Variants in KAZN observed in about 807,000 individuals in gnomAD.
The protein encoded by KAZN is kazrin, periplakin interacting protein.
KAZN carries 40 observed loss-of-function variants against 87.4 expected under a neutral mutation model. The observed-to-expected ratio is 0.46, with a 90% confidence interval of 0.36 to 0.60. KAZN has a LOEUF of 0.60. KAZN is among the 20% of genes least tolerant of loss of function. The probability of loss-of-function intolerance (pLI) is 0.00; values close to 1 mark genes in which losing one functional copy is unlikely to be tolerated. For synonymous variants in KAZN, 466 were observed against 458.3 expected (o/e 1.02, Z -0.22); for missense variants, 898 against 1,073.9 (o/e 0.84, Z 2.29).
intron 1 of KAZN, among the ~76,000 whole-genome samples, chr1:14,863,570 A>G (rs1403479869): frequency 6.6e-6 from 1 of 152,088 alleles, no homozygotes; most frequent in Non-Finnish European, 1.5e-5. Context: ...GATTTGGGGG[A>G]TCAGAGAGGA....
chr1:14,809,638 T>G (rs1026497140), intron 1 of KAZN, among the ~76,000 whole-genome samples: 13 of 152,328 alleles, frequency 8.5e-5, no homozygotes, highest in Admixed American at 3.3e-4. Context: ...CCTATTTGGT[T>G]TGATTTTTTA....
At chr1:14,146,570 A>C in intron 1 of KAZN, among the ~76,000 whole-genome samples, 1 of 151,226 alleles carries the variant, frequency 6.6e-6, no homozygotes, top group East Asian at 1.9e-4. Flanking sequence ...AAAGAAAAGA[A>C]AGAAAGAAAG....
intron 1 of KAZN, among the ~76,000 whole-genome samples, chr1:14,796,924 T>C (rs886077693): frequency 6.6e-6 from 1 of 152,162 alleles, no homozygotes; most frequent in Non-Finnish European, 1.5e-5. Context: ...AGGTACCCCA[T>C]GTAAGGAAAA....
rs201963397 is a variant in KAZN, at chr1:15,114,516, G to A, written c.2209G>A (p.Asp737Asn). 17 of 1,611,786 alleles carry A rather than the reference G, an allele frequency of 1.1e-5. No individual in the cohort carries two copies. The highest frequency in any genetic ancestry group is 6.7e-5 in the African/African-American group (5 of 74,894). ...AAGGGGCTTCAGCAGCAAAGATCCC[G>A]ATTTCCATGATGACTATGGCTCTCT... ...IGRGFSSKDP[D>N]FHDDYGSLQN... The change falls in exon 15 of 15, where the codon GAT (aspartate) becomes AAT (asparagine). Residue 737 changes from aspartate (D) to asparagine (N), a missense_variant. Asp to Asn is a conservative substitution (Grantham distance 23). Coordinates refer to ENST00000376030, the MANE Select transcript of KAZN (RefSeq NM_201628.3).
chr1:14,906,098 C>G (rs1344628137), intron 1 of KAZN, among the ~76,000 whole-genome samples: 1 of 150,822 alleles, frequency 6.6e-6, no homozygotes, highest in Non-Finnish European at 1.5e-5. Context: ...ACCCGGTAGG[C>G]GGGGCTTGCA....
At chr1:14,218,655 A>T (rs905816182) in intron 2 of KAZN, among the ~76,000 whole-genome samples, 4 of 149,006 alleles carry the variant, frequency 2.7e-5, no homozygotes, top group African/African-American at 5.2e-5. Context: ...GTTTAAATTT[A>T]TGAATTCATA....
chr1:14,748,902 A>G (rs1205216587), intron 1 of KAZN, among the ~76,000 whole-genome samples: 1 of 152,212 alleles, frequency 6.6e-6, no homozygotes, highest in Non-Finnish European at 1.5e-5. Flanking sequence ...TTATATCCCA[A>G]TTCAGTTAAG....
At chr1:14,143,727 C>CT (rs977192370) in intron 1 of KAZN, among the ~76,000 whole-genome samples, 38 of 149,490 alleles carry the variant, frequency 2.5e-4, no homozygotes, top group African/African-American at 8.1e-4. Flanking sequence ...TTTTTTTTTT[C>CT]TTTTTTTTGA....
At chr1:14,173,654 C>T (rs951418182) in intron 1 of KAZN, among the ~76,000 whole-genome samples, 2 of 145,794 alleles carry the variant, frequency 1.4e-5, no homozygotes, top group Non-Finnish European at 3.0e-5. Context: ...CTTTGTAGTT[C>T]CCCTCCCCGC....
At chr1:14,852,036 T>G (rs1208328556) in intron 1 of KAZN, among the ~76,000 whole-genome samples, 1 of 152,178 alleles carries the variant, frequency 6.6e-6, no homozygotes, top group Non-Finnish European at 1.5e-5. Flanking sequence ...ATTCCCTAGA[T>G]CTGTGGTTCT....
In KAZN at chr1:15,114,932, G is replaced by C. The variant is rs530726105; in HGVS notation, c.*297G>C. The C allele has an allele frequency of 7.9e-6, 2 of 254,514 alleles. No individual in the cohort carries two copies. The highest frequency in any genetic ancestry group is 4.4e-5 in the African/African-American group (2 of 45,934). 15.8% of individuals were successfully genotyped at this position (254,514 alleles called of 1,614,324 possible). On this transcript the variant is annotated 3_prime_UTR_variant, in exon 15 of 15. Transcript: ENST00000376030. ...TCCAGGATACACAGGCTCCACCTCA[G>C]AGTGACCGTCACTGTGGAGCAGCCA...
chr1:15,007,320 G>A (rs1669127125), intron 2 of KAZN, among the ~76,000 whole-genome samples: 1 of 152,210 alleles, frequency 6.6e-6, no homozygotes, highest in Non-Finnish European at 1.5e-5. Context: ...TCACCAGTGA[G>A]CTGCAGAGGC....
At chr1:15,054,979 G>A (rs1369207939) in intron 4 of KAZN, among the ~76,000 whole-genome samples, 1 of 152,272 alleles carries the variant, frequency 6.6e-6, no homozygotes, top group Non-Finnish European at 1.5e-5. Context: ...AGCTAGTCGT[G>A]TAGGCTGATC....
intron 1 of KAZN, among the ~76,000 whole-genome samples, chr1:14,910,733 G>T (rs1657161607): frequency 6.6e-6 from 1 of 152,222 alleles, no homozygotes; most frequent in Non-Finnish European, 1.5e-5. Flanking sequence ...GGCATGCTGA[G>T]CAAGAGGGGG....
chr1:14,741,783 A>G (rs1294068650), intron 1 of KAZN, among the ~76,000 whole-genome samples: 1 of 152,184 alleles, frequency 6.6e-6, no homozygotes, highest in East Asian at 1.9e-4. Flanking sequence ...TTCAAGGCAT[A>G]TTAAACAATA....
chr1:14,696,965 C>A (rs759574092), intron 1 of KAZN, among the ~76,000 whole-genome samples: 1 of 151,948 alleles, frequency 6.6e-6, no homozygotes, highest in Non-Finnish European at 1.5e-5. Context: ...TTCCAGGTGA[C>A]GTTTCCTGGG....
chr1:14,365,370 G>T (rs1046578168), intron 2 of KAZN, among the ~76,000 whole-genome samples: 2 of 22,766 alleles, frequency 8.8e-5, no homozygotes, highest in African/African-American at 2.3e-4. Context: ...CCCCGGGGTG[G>T]GGGGGGGGGG....
intron 1 of KAZN, among the ~76,000 whole-genome samples, chr1:14,693,610 CTCT>C (rs1367835345): frequency 1.3e-5 from 2 of 152,230 alleles, no homozygotes; most frequent in African/African-American, 4.8e-5. Context: ...TTGACCTTCC[CTCT>C]TCTTCCATAA....
intron 2 of KAZN, among the ~76,000 whole-genome samples, chr1:14,393,988 A>T (rs1158980795): frequency 6.6e-6 from 1 of 152,094 alleles, no homozygotes. Context: ...GCTGTTAAGG[A>T]TTTGATGATC....
Sources: gnomAD v4.1 joint callset for allele counts (sites outside exome capture counted in the v4.1 genomes callset) on GRCh38, gnomAD v4.1.1 for gene constraint, MANE v1.5 for transcripts, NCBI Gene and HGNC (gene_info 2026-07-23, HGNC 2026-07-21) for gene names.